PRKDC: variants seen among roughly 807,000 people sequenced by gnomAD.
PRKDC encodes DNA-dependent protein kinase catalytic subunit.
PRKDC carries 82 observed loss-of-function variants against 486.9 expected under a neutral mutation model. The observed-to-expected ratio is 0.17, with a 90% CI of 0.14 to 0.20. PRKDC has a LOEUF of 0.20. Among genes scored for constraint, PRKDC ranks in the 10% least tolerant of loss-of-function variants. The pLI is 1.00. For missense variants in PRKDC, 4,504 were observed against 5,038.2 expected, an observed-to-expected ratio of 0.89 and a Z score of 3.21; for synonymous variants, 1,895 against 1,837.0, an observed-to-expected ratio of 1.03 and a Z score of -0.81.
intron 65 of PRKDC, among the ~76,000 whole-genome samples, chr8:47,821,361 T>C (rs1383303256): frequency 6.6e-6 from 1 of 152,198 alleles, no homozygotes; most frequent in Non-Finnish European, 1.5e-5. Context: ...TATGCTCCTA[T>C]GTAGTCATAC....
chr8:47,818,562 G>A (rs1450792098), intron 67 of PRKDC, among the ~76,000 whole-genome samples: 1 of 115,482 alleles, frequency 8.7e-6, no homozygotes, highest in Non-Finnish European at 1.6e-5. Flanking sequence ...CTGCGAAACA[G>A]AGTGAGACTC....
rs1287700725 is a variant in PRKDC at position 47,862,145 on chromosome 8, CAT to C, written c.5920-20_5920-19del. ...AGCAAGTTCTGTGAATACAAAGAATCATATAAAAATAGCTGAATGGTGAAGAT... is the reference window on the plus strand; with the variant it reads ...AGCAAGTTCTGTGAATACAAAGAATCATAAAAATAGCTGAATGGTGAAGAT... On this transcript the variant is annotated intron_variant, in intron 43 of 85. Transcript: ENST00000314191. 4.6e-6 allele frequency: 7 copies of C among 1,534,608 alleles called. No individual in the cohort carries two copies. In the Admixed American group the frequency reaches 9.9e-5, roughly 22 times the overall value.
intron 36 of PRKDC, among the ~76,000 whole-genome samples, chr8:47,882,648 A>G (rs1202944221): frequency 6.6e-6 from 1 of 152,176 alleles, no homozygotes; most frequent in Non-Finnish European, 1.5e-5. Flanking sequence ...TTCTTGTTCA[A>G]CTACCATCAT....
At chr8:47,794,760 G>A (rs1019115582) in intron 73 of PRKDC, among the ~76,000 whole-genome samples, 31 of 152,180 alleles carry the variant, frequency 2.0e-4, no homozygotes, top group Admixed American at 2.0e-3. Context: ...CAGATGTATA[G>A]AAAAATCTTC....
intron 44 of PRKDC, among the ~76,000 whole-genome samples, chr8:47,861,327 T>C (rs564144820): frequency 1.3e-5 from 2 of 152,374 alleles, no homozygotes; most frequent in South Asian, 4.1e-4. Context: ...TGCTTGTAAT[T>C]GTTGTAAAAT....
intron 80 of PRKDC, among the ~76,000 whole-genome samples, chr8:47,780,514 C>A (rs567988659): frequency 2.2e-4 from 34 of 152,318 alleles, no homozygotes; most frequent in Middle Eastern, 3.4e-3. Context: ...AACAGTTTCA[C>A]GTGTGACTTA....
At chr8:47,933,850 G>A in intron 15 of PRKDC, 115 bp downstream of exon 15, 1 of 1,162,090 alleles carries the variant, frequency 8.6e-7, no homozygotes, top group Non-Finnish European at 1.1e-6. Context: ...GAAGTACACT[G>A]TTTTAAACTT....
rs1207009235 is a variant in PRKDC at position 47,852,677 on chromosome 8, T to G, written c.7001A>C (p.Lys2334Thr). The part of the protein sequence containing the change: ...GLILRYVMER[K>T]NILEESLCEL... ...AAAATTGTGTAGCACACTCACGTTT[T>G]TTCTCTCCATAACATATCGAAGTAT... The change falls in exon 52 of 86, where the codon AAA (lysine) becomes ACA (threonine). Residue 2334 changes from lysine to threonine, a missense_variant. Lys to Thr is a moderately conservative substitution (Grantham distance 78). This residue lies in a region of PRKDC where 1,592 missense variants were observed against 1,724.6 expected (regional missense o/e 0.92). Transcript: ENST00000314191. 1 of 1,555,776 alleles carries G rather than the reference T, an allele frequency of 6.4e-7. No homozygotes were observed. Among genetic ancestry groups the G allele is most frequent in the Non-Finnish European group, 8.7e-7 (1 of 1,147,786 alleles).
rs541623427 is a variant in PRKDC, at chr8:47,898,539, T to C, written c.3395A>G (p.Asp1132Gly). 8 of 1,527,306 alleles carry C rather than the reference T, an allele frequency of 5.2e-6. No homozygotes were observed. The African/African-American group carries it at 9.5e-5, about 18-fold the overall frequency. The allele number at this position is 1,527,306 out of a possible 1,614,324, so 94.6% of individuals were successfully genotyped here. ...GTIQQCCDAI[D>G]HLCRIIEKKH... ...CTTTTCAATGATGCGGCATAGGTGA[T>C]CAATGGCATCACAACACTGTTGAAT... The change falls in exon 29 of 86, where the codon GAT becomes GGT. Residue 1132 changes from aspartate to glycine, a missense_variant. Asp to Gly is a moderately conservative substitution (Grantham distance 94). This residue lies in a region of PRKDC where 1,969 missense variants were observed against 2,068.9 expected (regional missense o/e 0.95). Coordinates refer to ENST00000314191, the MANE Select transcript of PRKDC (RefSeq NM_006904.7).
chr8:47,928,040 TC>T, intron 19 of PRKDC, 150 bp from the exon 20 acceptor site: 1 of 632,712 alleles, frequency 1.6e-6, no homozygotes, highest in East Asian at 3.5e-5. Context: ...CACACTAACC[TC>T]CAGGAAAGTT....
chr8:47,781,340 A>T (rs1252312679), intron 80 of PRKDC, among the ~76,000 whole-genome samples: 1 of 152,246 alleles, frequency 6.6e-6, no homozygotes, highest in Non-Finnish European at 1.5e-5. Flanking sequence ...TAGAGTAATT[A>T]TCACCTGGGA....
At chr8:47,880,641 T>A (rs2089193873) in intron 38 of PRKDC, among the ~76,000 whole-genome samples, 1 of 152,212 alleles carries the variant, frequency 6.6e-6, no homozygotes, top group Non-Finnish European at 1.5e-5. Flanking sequence ...ATTTTTATAT[T>A]ATTTTAATAG....
intron 25 of PRKDC, among the ~76,000 whole-genome samples, chr8:47,911,567 G>A (rs184794981): frequency 3.9e-5 from 6 of 152,208 alleles, no homozygotes; most frequent in Non-Finnish European, 7.3e-5. Flanking sequence ...CATGTATACT[G>A]CAGAATTTTC....
chr8:47,937,193 G>A (rs1265909709), intron 11 of PRKDC, among the ~76,000 whole-genome samples: 4 of 151,864 alleles, frequency 2.6e-5, no homozygotes, highest in East Asian at 1.9e-4. Context: ...CCCAGGAAGC[G>A]GAGGTTGCGG....
At chr8:47,928,957 T>A (rs1370184200) in intron 19 of PRKDC, 135 bp downstream of exon 19, 4 of 691,936 alleles carry the variant, frequency 5.8e-6, no homozygotes, top group East Asian at 5.6e-5. Flanking sequence ...CCCAAAGTGC[T>A]GGGATTAAGG....
At position 47,860,822 on chromosome 8, in the gene PRKDC, C is replaced by T. The variant is rs966605408; in HGVS notation, c.6058+77G>A. ...TTTACATAAAAAATACTTTACTCCT[C>T]TATTTGTCTTAGAACAAAACAAAAC... On this transcript the variant is annotated intron_variant, in intron 45 of 85. Coordinates refer to ENST00000314191, the MANE Select transcript of PRKDC (RefSeq NM_006904.7). 1.3e-5 allele frequency: 14 copies of T among 1,109,710 alleles called. No homozygotes were observed. In the African/African-American group the frequency reaches 2.2e-4, roughly 18 times the overall value. 68.7% of individuals were successfully genotyped at this position (1,109,710 alleles called of 1,614,324 possible). A position where few individuals can be genotyped will look rare whatever the true frequency, so the allele number is the denominator to read the frequency against.
At chr8:47,887,499 G>C (rs940625332) in intron 35 of PRKDC, 48 bp downstream of exon 35, 1 of 1,452,286 alleles carries the variant, frequency 6.9e-7, no homozygotes, top group Non-Finnish European at 9.1e-7. Flanking sequence ...AGTGACATAT[G>C]TATTTCTATT....
intron 21 of PRKDC, among the ~76,000 whole-genome samples, chr8:47,921,219 C>T (rs978752920): frequency 2.0e-5 from 3 of 151,454 alleles, no homozygotes; most frequent in Non-Finnish European, 2.9e-5. Flanking sequence ...CACGCCACTG[C>T]GCTCCAGCCT....
At chr8:47,921,383 T>C (rs561207136) in intron 21 of PRKDC, among the ~76,000 whole-genome samples, 1 of 152,374 alleles carries the variant, frequency 6.6e-6, no homozygotes, top group African/African-American at 2.4e-5. Context: ...AGATAATCTC[T>C]ATTATCTTTA....
Sources: gnomAD v4.1 joint callset for allele counts (sites outside exome capture counted in the v4.1 genomes callset) on GRCh38, gnomAD v4.1.1 for gene constraint, gnomAD v4.1.1 regional missense constraint, MANE v1.5 for transcripts, NCBI Gene and HGNC (gene_info 2026-07-23, HGNC 2026-07-21) for gene names.